Variants in UBE2E1 observed in about 807,000 individuals in gnomAD.
The protein encoded by UBE2E1 is ubiquitin-conjugating enzyme E2 E1.
In UBE2E1, 6 loss-of-function variants were observed where a neutral mutation model predicts 21.4. The ratio of observed to expected loss-of-function variants is 0.28; its 90% CI spans 0.15 to 0.55. The LOEUF is 0.55. Among genes scored for constraint, UBE2E1 ranks in the 20% least tolerant of loss-of-function variants. The probability of loss-of-function intolerance (pLI) is 0.93; values close to 1 mark genes in which losing one functional copy is unlikely to be tolerated. For synonymous variants in UBE2E1, 87 were observed against 82.7 expected (o/e 1.05, Z -0.28); for missense variants, 142 against 236.5 (o/e 0.60, Z 2.62).
chr3:23,821,215 GA>G (rs1362587516), intron 3 of UBE2E1, among the ~76,000 whole-genome samples: 1 of 152,226 alleles, frequency 6.6e-6, no homozygotes, highest in African/African-American at 2.4e-5. Context: ...TAGTAGGAAA[GA>G]AATTGACAGA....
At chr3:23,854,371 CTCTTTTCCTGAGATATATTA>C (rs1417155106) in intron 3 of UBE2E1, among the ~76,000 whole-genome samples, 1 of 151,992 alleles carries the variant, frequency 6.6e-6, no homozygotes, top group Non-Finnish European at 1.5e-5. Flanking sequence ...TAAAGCTTAC[CTCTTTTCCTGAGATATATTA>C]TCTTTTCCAA....
chr3:23,814,637 A>C (rs1214848033), intron 3 of UBE2E1, among the ~76,000 whole-genome samples: 1 of 152,236 alleles, frequency 6.6e-6, no homozygotes, highest in Admixed American at 6.5e-5. Context: ...AAAGCGTGCC[A>C]GATCTTAGAT....
chr3:23,810,653 G>A lies in UBE2E1; in HGVS notation c.153-807G>A. ...GCCCGAGTGGCGGGCGGGGGTGTTC[G>A]CGCCCTGCTTTCGCGCGCGGTCTCG... On this transcript the variant is annotated intron_variant, in intron 2 of 5. Coordinates refer to ENST00000306627, the MANE Select transcript of UBE2E1 (RefSeq NM_003341.5). The surrounding 1 kb of genome is among the most constrained non-coding windows in gnomAD (Gnocchi z 5.8). 1 of 913,436 alleles carries A rather than the reference G, an allele frequency of 1.1e-6. No homozygotes were observed. The highest frequency in any genetic ancestry group is 1.6e-6 in the Non-Finnish European group (1 of 640,316). 56.6% of individuals were successfully genotyped at this position (913,436 alleles called of 1,614,324 possible).
intron 3 of UBE2E1, among the ~76,000 whole-genome samples, chr3:23,831,281 A>AT (rs1699861119): frequency 6.6e-6 from 1 of 152,098 alleles, no homozygotes; most frequent in African/African-American, 2.4e-5. Context: ...AGTGCGCTTT[A>AT]TTTTTTCTCA....
intron 3 of UBE2E1, among the ~76,000 whole-genome samples, chr3:23,854,316 C>CT (rs1041128040): frequency 3.9e-4 from 58 of 149,954 alleles, no homozygotes; most frequent in Non-Finnish European, 1.3e-4. Context: ...TTAACTTAAT[C>CT]TGAACTGATG....
At chr3:23,838,992 T>C (rs2125298977) in intron 3 of UBE2E1, among the ~76,000 whole-genome samples, 1 of 152,038 alleles carries the variant, frequency 6.6e-6, no homozygotes, top group Non-Finnish European at 1.5e-5. Flanking sequence ...AGAATACATC[T>C]TTAGCTTATC....
chr3:23,844,489 A>C (rs575353854), intron 3 of UBE2E1, among the ~76,000 whole-genome samples: 1 of 152,270 alleles, frequency 6.6e-6, no homozygotes, highest in African/African-American at 2.4e-5. Context: ...GATCGTTTCC[A>C]GCTCTCCATC....
At chr3:23,837,580 T>A (rs991948861) in intron 3 of UBE2E1, among the ~76,000 whole-genome samples, 2 of 152,244 alleles carry the variant, frequency 1.3e-5, no homozygotes, top group Non-Finnish European at 2.9e-5. Flanking sequence ...ATTGGCTGAT[T>A]CCAATTTGAA....
At chr3:23,869,217 A>T in intron 3 of UBE2E1, among the ~76,000 whole-genome samples, 1 of 152,122 alleles carries the variant, frequency 6.6e-6, no homozygotes, top group East Asian at 1.9e-4. Flanking sequence ...TTTATTTGCC[A>T]TATGTTTATT....
At chr3:23,852,863 C>A (rs1002758254) in intron 3 of UBE2E1, among the ~76,000 whole-genome samples, 6 of 151,926 alleles carry the variant, frequency 3.9e-5, no homozygotes, top group Non-Finnish European at 8.8e-5. Context: ...CCTTGGCGTC[C>A]CAGAGTGCTA....
intron 5 of UBE2E1, 80 bp downstream of exon 5, chr3:23,889,339 A>C: frequency 6.3e-7 from 1 of 1,596,760 alleles, no homozygotes; most frequent in Non-Finnish European, 8.5e-7. Context: ...CAAAGGACAA[A>C]ACTAATTTTT....
At chr3:23,845,105 T>A (rs1475563705) in intron 3 of UBE2E1, among the ~76,000 whole-genome samples, 2 of 152,172 alleles carry the variant, frequency 1.3e-5, no homozygotes, top group African/African-American at 4.8e-5. Context: ...ACATGTGAAA[T>A]TTTAAAACTA....
At chr3:23,879,171 G>T in intron 3 of UBE2E1, 2 of 776,850 alleles carry the variant, frequency 2.6e-6, no homozygotes, top group Non-Finnish European at 4.1e-6. Context: ...TTAAGTTTTA[G>T]TTTCTTCCAT....
chr3:23,832,845 A>G (rs1410628530), intron 3 of UBE2E1, among the ~76,000 whole-genome samples: 1 of 152,004 alleles, frequency 6.6e-6, no homozygotes, highest in Non-Finnish European at 1.5e-5. Flanking sequence ...AGTCTGAGCA[A>G]CATGGTGAAA....
chr3:23,841,304 GAT>G (rs1700078961), intron 3 of UBE2E1, among the ~76,000 whole-genome samples: 1 of 151,840 alleles, frequency 6.6e-6, no homozygotes, highest in East Asian at 1.9e-4. Flanking sequence ...TTTAGAGACT[GAT>G]ACTGTTTCTG....
At position 23,810,487 on chromosome 3, in the gene UBE2E1, G is replaced by C; in HGVS notation, c.153-973G>C. Reference sequence around the variant, plus strand: ...CTAGAGAGCGGACCATGAAGGAAGTGGGCAGACCCCGGGAAGTTAGAGGAC... The same window carrying C: ...CTAGAGAGCGGACCATGAAGGAAGTCGGCAGACCCCGGGAAGTTAGAGGAC... On this transcript the variant is annotated intron_variant, in intron 2 of 5. Coordinates refer to ENST00000306627, the MANE Select transcript of UBE2E1 (RefSeq NM_003341.5). This position sits in a 1 kb window ranked among gnomAD's most constrained non-coding sequence, Gnocchi z 5.8. 1 of 1,535,764 alleles carries C rather than the reference G, an allele frequency of 6.5e-7. No homozygotes were observed. The highest frequency in any genetic ancestry group is 8.7e-7 in the Non-Finnish European group (1 of 1,146,700).
intron 3 of UBE2E1, among the ~76,000 whole-genome samples, chr3:23,856,258 G>C (rs529244120): frequency 6.6e-6 from 1 of 152,216 alleles, no homozygotes; most frequent in African/African-American, 2.4e-5. Flanking sequence ...TCAAACTCCT[G>C]ACCTTGTGAT....
chr3:23,820,050 T>C (rs1039926753), intron 3 of UBE2E1, among the ~76,000 whole-genome samples: 2 of 152,168 alleles, frequency 1.3e-5, no homozygotes, highest in African/African-American at 4.8e-5. Context: ...ATACAGTGGG[T>C]TCCTAGAGAT....
Position 23,868,739 on chromosome 3 carries a change from A to T in UBE2E1, c.204-18828A>T, listed in dbSNP as rs367748073. ...AGTGTTGTTTTTTTTTTTTAATCTC[A>T]ATAATTGGAATCTGTTTGAAGGAGA... On this transcript the variant is annotated intron_variant, in intron 3 of 5. Transcript: ENST00000306627. Among the ~76,000 whole-genome samples, 128 of 151,758 alleles carry T rather than the reference A, an allele frequency of 8.4e-4. No homozygotes were observed. The Middle Eastern group carries it at 0.01, about 12-fold the overall frequency.
Sources: allele counts gnomAD v4.1 joint callset (sites outside exome capture counted in the v4.1 genomes callset), GRCh38; gene constraint gnomAD v4.1.1; non-coding constraint Gnocchi (gnomAD v3.1); transcripts MANE v1.5; gene names NCBI Gene and HGNC (gene_info 2026-07-23, HGNC 2026-07-21).